NLGN2: variants seen among roughly 807,000 people sequenced by gnomAD.
NLGN2 encodes neuroligin 2.
In NLGN2, 11 loss-of-function variants were observed where a neutral mutation model predicts 48.6. That is an observed-to-expected ratio of 0.23 (90% CI 0.14 to 0.37). The LOEUF is 0.37. NLGN2 is among the 10% of genes least tolerant of loss of function. The pLI is 1.00. For missense variants in NLGN2, 801 were observed against 1,225.2 expected, an observed-to-expected ratio of 0.65 and a Z score of 5.17; for synonymous variants, 548 against 550.0, an observed-to-expected ratio of 1.00 and a Z score of 0.05.
intron 3 of NLGN2, 48 bp from the exon 4 acceptor site, chr17:7,414,615 A>G (rs1907024485): frequency 6.2e-7 from 1 of 1,612,222 alleles, no homozygotes; most frequent in Non-Finnish European, 8.5e-7. Context: ...GAAAGGGGGC[A>G]GGGGCGCTGT....
intron 2 of NLGN2, 93 bp downstream of exon 2, chr17:7,412,300 C>T: frequency 3.4e-6 from 3 of 884,852 alleles, no homozygotes; most frequent in Non-Finnish European, 3.8e-6. Flanking sequence ...GCCCTCAAGG[C>T]CCCTCAGTCG....
Position 7,408,836 on chromosome 17 carries a change from G to C in NLGN2, c.457+124G>C. ...GGCCTTTGTGGGGGCAGTGAGGGAC[G>C]GAGTGTCCCTGCAACCTCTACGTGC... On this transcript the variant is annotated intron_variant, in intron 1 of 6. Coordinates refer to ENST00000302926, the MANE Select transcript of NLGN2 (RefSeq NM_020795.4). This position sits in a 1 kb window ranked among gnomAD's most constrained non-coding sequence, Gnocchi z 7.5. The C allele has an allele frequency of 1.3e-6, 2 of 1,533,186 alleles. No individual in the cohort carries two copies. The highest frequency in any genetic ancestry group is 1.8e-6 in the Non-Finnish European group (2 of 1,124,310). The allele number at this position is 1,533,186 out of a possible 1,614,324, so 95.0% of individuals were successfully genotyped here.
chr17:7,419,099 T>G lies in NLGN2; in HGVS notation c.*1300T>G, dbSNP rs963047738. 2 of 152,346 alleles carry G rather than the reference T, an allele frequency of 1.3e-5. No individual in the cohort carries two copies. Among genetic ancestry groups the G allele is most frequent in the African/African-American group, 4.8e-5 (2 of 41,434 alleles). 9.4% of individuals were successfully genotyped at this position (152,346 alleles called of 1,614,324 possible). ...CTCTTTGAAGCTGTCCCCATCTCAG[T>G]GTCAGACCAGCCTTCTCCTCAGCTG... On this transcript the variant is annotated 3_prime_UTR_variant, in exon 7 of 7. Coordinates refer to ENST00000302926, the MANE Select transcript of NLGN2 (RefSeq NM_020795.4).
At chr17:7,406,598 C>T (rs960573682), upstream of NLGN2, among the ~76,000 whole-genome samples, 1 of 146,448 alleles carries the variant, frequency 6.8e-6, no homozygotes, top group Non-Finnish European at 1.5e-5. Flanking sequence ...CGCGGGCTGG[C>T]GCCTGGCTCT....
At chr17:7,410,463 C>A (rs1283616599) in intron 1 of NLGN2, among the ~76,000 whole-genome samples, 2 of 152,070 alleles carry the variant, frequency 1.3e-5, no homozygotes, top group Non-Finnish European at 2.9e-5. Flanking sequence ...GCACACCACA[C>A]TCCTCTGCCA....
chr17:7,407,002 G>T (rs1906672165), upstream of NLGN2, among the ~76,000 whole-genome samples: 1 of 152,156 alleles, frequency 6.6e-6, no homozygotes, highest in Admixed American at 6.5e-5. Flanking sequence ...GCTAGGCTTT[G>T]ATTGGCCAAC....
At chr17:7,416,143 G>T (rs1200483642) in intron 6 of NLGN2, 36 bp downstream of exon 6, 1 of 1,444,926 alleles carries the variant, frequency 6.9e-7, no homozygotes, top group Admixed American at 1.7e-5. Context: ...GCTGGGCGGG[G>T]CCCTCCCTCC....
At chr17:7,407,029 G>C (rs556413262), upstream of NLGN2, among the ~76,000 whole-genome samples, 1 of 152,080 alleles carries the variant, frequency 6.6e-6, no homozygotes, top group Non-Finnish European at 1.5e-5. Flanking sequence ...GGCTTTTAGC[G>C]TTCTTGGTGC....
At chr17:7,406,199 G>A (rs188793684), upstream of NLGN2, among the ~76,000 whole-genome samples, 14 of 152,264 alleles carry the variant, frequency 9.2e-5, no homozygotes, top group East Asian at 2.3e-3. Flanking sequence ...CTGAAGGCAA[G>A]AGCTGGGGCA....
At position 7,408,194 on chromosome 17, in the gene NLGN2, C is replaced by T. The variant is rs994128376; in HGVS notation, c.-62C>T. The T allele has an allele frequency of 1.6e-5, 15 of 935,268 alleles. No homozygotes were observed. The highest frequency in any genetic ancestry group is 4.3e-5 in the Admixed American group (1 of 23,258). The allele number at this position is 935,268 out of a possible 1,614,324, so 57.9% of individuals were successfully genotyped here. On this transcript the variant is annotated 5_prime_UTR_variant, in exon 1 of 7. Coordinates refer to ENST00000302926, the MANE Select transcript of NLGN2 (RefSeq NM_020795.4). The surrounding 1 kb of genome is among the most constrained non-coding windows in gnomAD (Gnocchi z 7.5). ...GAGGGGGGCCTCCCTCCCTCTCCCC[C>T]CCTTCTCTCTCTCTCCGAGGGGGGG... is the stretch of plus-strand genomic sequence containing the variant.
At chr17:7,414,626 G>T in intron 3 of NLGN2, 37 bp from the exon 4 acceptor site, 1 of 1,613,268 alleles carries the variant, frequency 6.2e-7, no homozygotes, top group Non-Finnish European at 8.5e-7. Context: ...GGGGCGCTGT[G>T]ACACCTCCAG....
At position 7,417,801 on chromosome 17, in the gene NLGN2, G is replaced by T; in HGVS notation, c.*2G>T. On this transcript the variant is annotated 3_prime_UTR_variant, in exon 7 of 7. Coordinates refer to ENST00000302926, the MANE Select transcript of NLGN2 (RefSeq NM_020795.4). ...CCCCACTCCACCACTCGGGTATAGG[G>T]GGTGGGTGGGGAGGCCCTCCTCCCC... The T allele has an allele frequency of 7.3e-7, 1 of 1,361,732 alleles. No homozygotes were observed. The allele number at this position is 1,361,732 out of a possible 1,614,324, so 84.4% of individuals were successfully genotyped here.
At chr17:7,410,766 A>T (rs1017594599) in intron 1 of NLGN2, among the ~76,000 whole-genome samples, 2 of 152,184 alleles carry the variant, frequency 1.3e-5, no homozygotes, top group Admixed American at 1.3e-4. Flanking sequence ...CATTCAGGTG[A>T]TCTCACTGAA....
At chr17:7,406,080 G>A (rs1012812865), upstream of NLGN2, among the ~76,000 whole-genome samples, 9 of 152,122 alleles carry the variant, frequency 5.9e-5, no homozygotes, top group African/African-American at 2.2e-4. Flanking sequence ...AGAGACAGAA[G>A]GCTTAAGGGG....
Position 7,415,610 on chromosome 17 carries a change from C to A in NLGN2, c.1137C>A (p.Leu379=). 1 of 1,613,806 alleles carries A rather than the reference C, an allele frequency of 6.2e-7. No individual in the cohort carries two copies. The highest frequency in any genetic ancestry group is 8.5e-7 in the Non-Finnish European group (1 of 1,179,674). ...GAGAATTCCTCAACTACGACATGCTCATCGGCGTCAACCAGGGAGAGGGCC... is the reference window on the plus strand; with the variant it reads ...GAGAATTCCTCAACTACGACATGCTAATCGGCGTCAACCAGGGAGAGGGCC... ...QQGEFLNYDM[L]IGVNQGEGLK... Residue 379 remains leucine, a synonymous_variant, in exon 6 of 7, where the codon CTC becomes CTA. Transcript: ENST00000302926.
chr17:7,408,132 T>A lies in NLGN2; in HGVS notation c.-124T>A. 1.9e-5 allele frequency: 7 copies of A among 373,512 alleles called. No individual in the cohort carries two copies. Among genetic ancestry groups the A allele is most frequent in the Admixed American group, 5.4e-5 (1 of 18,478 alleles). 23.1% of individuals were successfully genotyped at this position (373,512 alleles called of 1,614,324 possible). A position where few individuals can be genotyped will look rare whatever the true frequency, so the allele number is the denominator to read the frequency against. On this transcript the variant is annotated 5_prime_UTR_variant, in exon 1 of 7. Coordinates refer to ENST00000302926, the MANE Select transcript of NLGN2 (RefSeq NM_020795.4). The surrounding 1 kb of genome is among the most constrained non-coding windows in gnomAD (Gnocchi z 7.5). ...CCCAGGTCCCTCCCCAACCCCCTCC[T>A]CCCTCCTTTCCCCCCGCCCCTCCTC...
Position 7,414,079 on chromosome 17 carries a change from C to T in NLGN2, c.509-265C>T, listed in dbSNP as rs189454084. Among the ~76,000 whole-genome samples the T allele has an allele frequency of 2.6e-3, 393 of 152,288 alleles. 4 individuals are homozygous for T. The highest frequency in any genetic ancestry group is 9.0e-3 in the African/African-American group (375 of 41,558). ...CCCTAAGGAGGGCCACTGCCCACCC[C>T]CAGCCTCTACGGGGTTTCTTGGAAA... On this transcript the variant is annotated intron_variant, in intron 2 of 6. Coordinates refer to ENST00000302926, the MANE Select transcript of NLGN2 (RefSeq NM_020795.4).
Position 7,419,792 on chromosome 17 carries a change from G to A in NLGN2, c.*1993G>A, listed in dbSNP as rs1907313706. ...CCTTATCCCTACCCCAACCCTTTGCGGCTCTGTACACATTTTTAAACCTGG... is the reference window on the plus strand; with the variant it reads ...CCTTATCCCTACCCCAACCCTTTGCAGCTCTGTACACATTTTTAAACCTGG... On this transcript the variant is annotated 3_prime_UTR_variant, in exon 7 of 7. Coordinates refer to ENST00000302926, the MANE Select transcript of NLGN2 (RefSeq NM_020795.4). 1 of 152,252 alleles carries A rather than the reference G, an allele frequency of 6.6e-6. No individual in the cohort carries two copies. Among genetic ancestry groups the A allele is most frequent in the African/African-American group, 2.4e-5 (1 of 41,418 alleles). The allele number at this position is 152,252 out of a possible 1,614,324, so 9.4% of individuals were successfully genotyped here. A position where few individuals can be genotyped will look rare whatever the true frequency, so the allele number is the denominator to read the frequency against.
chr17:7,416,819 G>A, intron 6 of NLGN2, 107 bp from the exon 7 acceptor site: 2 of 1,354,964 alleles, frequency 1.5e-6, no homozygotes, highest in South Asian at 2.5e-5. Context: ...CTTTCTTGCT[G>A]TCCCCCTGTC....
Sources: gnomAD v4.1 joint callset for allele counts (sites outside exome capture counted in the v4.1 genomes callset) on GRCh38, gnomAD v4.1.1 for gene constraint, Gnocchi (gnomAD v3.1) non-coding constraint, MANE v1.5 for transcripts, NCBI Gene and HGNC (gene_info 2026-07-23, HGNC 2026-07-21) for gene names.